The following UNC13B variants were observed in gnomAD, a reference collection of about 807,000 sequenced individuals.
The protein encoded by UNC13B is protein unc-13 homolog B.
In UNC13B, 144 loss-of-function variants were observed where a neutral mutation model predicts 211.0. That is an observed-to-expected ratio of 0.68 (90% CI 0.60 to 0.78). UNC13B has a LOEUF of 0.78. UNC13B is among the 30% of genes least tolerant of loss of function. The probability of loss-of-function intolerance (pLI) is 0.00; values close to 1 mark genes in which losing one functional copy is unlikely to be tolerated. For synonymous variants in UNC13B, 709 were observed against 725.8 expected, an observed-to-expected ratio of 0.98 and a Z score of 0.37; for missense variants, 1,777 against 2,002.0, an observed-to-expected ratio of 0.89 and a Z score of 2.14.
At chr9:35,386,453 G>A (rs1835199740) in intron 24 of UNC13B, among the ~76,000 whole-genome samples, 160 bp downstream of exon 24, 1 of 152,168 alleles carries the variant, frequency 6.6e-6, no homozygotes, top group Non-Finnish European at 1.5e-5. Flanking sequence ...TGTGAGATAT[G>A]TGGATGGAAA....
At chr9:35,380,087 T>C (rs2132247845) in intron 17 of UNC13B, among the ~76,000 whole-genome samples, 1 of 152,276 alleles carries the variant, frequency 6.6e-6, no homozygotes, top group East Asian at 1.9e-4. Flanking sequence ...ACTGACTTCA[T>C]GTCCTGGGCT....
chr9:35,314,618 G>A (rs1830351818), intron 11 of UNC13B, among the ~76,000 whole-genome samples: 1 of 152,068 alleles, frequency 6.6e-6, no homozygotes, highest in African/African-American at 2.4e-5. Context: ...TAGTGGTGAA[G>A]TCTGGGCTTT....
chr9:35,292,255 T>C (rs1829136157), intron 7 of UNC13B, among the ~76,000 whole-genome samples: 1 of 152,204 alleles, frequency 6.6e-6, no homozygotes, highest in Non-Finnish European at 1.5e-5. Context: ...GGATTTTGTT[T>C]GAGTGCCTGC....
Position 35,313,506 on chromosome 9 carries a change from TC to T in UNC13B, c.9324-390del, listed in dbSNP as rs1349010253. Among the ~76,000 whole-genome samples the T allele has an allele frequency of 3.3e-5, 5 of 152,002 alleles. No individual in the cohort carries two copies. In the East Asian group the frequency reaches 5.8e-4, roughly 18 times the overall value. ...TGGGTGTGGTGGCACGCACCTGTAG[TC>T]CCAGCTATTTGGAAGGCTGAGGTGG... On this transcript the variant is annotated intron_variant, in intron 10 of 39. Transcript: ENST00000635942.
intron 1 of UNC13B, among the ~76,000 whole-genome samples, chr9:35,193,102 C>G (rs1335341510): frequency 6.6e-6 from 1 of 152,178 alleles, no homozygotes. Context: ...TTTCCTTTGA[C>G]TTCCTAGACT....
rs1829960621 is a variant in UNC13B at position 35,307,059 on chromosome 9, A to C, written c.7655A>C (p.Glu2552Ala). The C allele has an allele frequency of 2.5e-6, 1 of 398,942 alleles. No homozygotes were observed. Among genetic ancestry groups the C allele is most frequent in the Admixed American group, 4.4e-5 (1 of 22,710 alleles). The allele number at this position is 398,942 out of a possible 1,614,324, so 24.7% of individuals were successfully genotyped here. ...GGATCAGTACCTCCAGAAAGGAGAG[A>C]AGCTGCCTTTACAGCACTAAGTTCA... is the stretch of plus-strand genomic sequence containing the variant. ...AVGSVPPERR[E>A]AAFTALSSES... The change falls in exon 9 of 40, where the codon GAA becomes GCA. Residue 2552 changes from glutamate (E) to alanine (A), a missense_variant. Transcript: ENST00000635942.
chr9:35,247,291 A>G (rs911485074), intron 6 of UNC13B, among the ~76,000 whole-genome samples: 1 of 152,224 alleles, frequency 6.6e-6, no homozygotes. Flanking sequence ...CAATCATGTC[A>G]TCTGCAAACA....
At chr9:35,297,561 T>TTTTTTGTTTTTTGTTTTTTTG (rs1554698741) in intron 8 of UNC13B, among the ~76,000 whole-genome samples, 14 of 128,232 alleles carry the variant, frequency 1.1e-4, no homozygotes, top group Admixed American at 4.7e-4. Flanking sequence ...TTTTTTTTTT[T>TTTTTTGTTTTTTGTTTTTTTG]TTTTTTGAGA....
intron 7 of UNC13B, among the ~76,000 whole-genome samples, chr9:35,263,547 A>G (rs1827399740): frequency 6.6e-6 from 1 of 152,028 alleles, no homozygotes; most frequent in Admixed American, 6.6e-5. Context: ...CCATAAGAGG[A>G]CTCATGCAGT....
rs779735260 is a variant in UNC13B, at chr9:35,236,448, G to A, written c.153-21G>A. 143 of 1,596,814 alleles carry A rather than the reference G, an allele frequency of 9.0e-5. 1 individual carries two copies. In the South Asian group the frequency reaches 1.4e-3, roughly 15 times the overall value. On this transcript the variant is annotated intron_variant, in intron 3 of 39. Transcript: ENST00000635942. ...TTCATATTGTCTAGCTTTCCTCAAA[G>A]GGCTTTCCTCTTTCCCTTAGTGAGA...
chr9:35,183,017 G>A (rs1328308973), intron 1 of UNC13B, among the ~76,000 whole-genome samples: 19 of 152,020 alleles, frequency 1.2e-4, no homozygotes, highest in South Asian at 2.1e-4. Context: ...TTCCCAGATG[G>A]GGCGGCCTGG....
chr9:35,187,420 A>G (rs1051454840), intron 1 of UNC13B, among the ~76,000 whole-genome samples: 7 of 152,254 alleles, frequency 4.6e-5, no homozygotes, highest in Non-Finnish European at 8.8e-5. Flanking sequence ...ATTAGTCTAA[A>G]ATGTAGTCAA....
rs1831300227 is a variant in UNC13B at position 35,330,381 on chromosome 9, A to T, written c.9414+16392A>T. ...CTGGAACCTTTGCTGCTAAGTGAGG[A>T]TCCATTGACACTGCTGTTTTTTTGG... On this transcript the variant is annotated intron_variant, in intron 11 of 39. Coordinates refer to ENST00000635942, the MANE Select transcript of UNC13B (RefSeq NM_001371189.2). Among the ~76,000 whole-genome samples the T allele has an allele frequency of 2.0e-5, 3 of 152,206 alleles. No homozygotes were observed. In the South Asian group the frequency reaches 6.2e-4, roughly 31 times the overall value.
At chr9:35,205,767 G>C (rs1010580371) in intron 1 of UNC13B, among the ~76,000 whole-genome samples, 7 of 152,016 alleles carry the variant, frequency 4.6e-5, no homozygotes, top group African/African-American at 1.7e-4. Context: ...CCATTATATG[G>C]GTATACTATA....
intron 8 of UNC13B, among the ~76,000 whole-genome samples, chr9:35,297,548 T>C (rs1352812140): frequency 8.7e-6 from 1 of 114,926 alleles, no homozygotes. Context: ...ATACTTTGTC[T>C]TTTTTTTTTT....
Position 35,382,374 on chromosome 9 carries a change from C to T in UNC13B, c.10673C>T (p.Ser3558Leu). 1 of 1,612,496 alleles carries T rather than the reference C, an allele frequency of 6.2e-7. No individual in the cohort carries two copies. The highest frequency in any genetic ancestry group is 8.5e-7 in the Non-Finnish European group (1 of 1,179,566). The change falls in exon 21 of 40, where the codon TCA becomes TTA. Residue 3558 changes from serine (S) to leucine (L), a missense_variant. By Grantham distance (145) the Ser-to-Leu change is moderately radical (BLOSUM62 -2). Coordinates refer to ENST00000635942, the MANE Select transcript of UNC13B (RefSeq NM_001371189.2). ...YQAMTHFACL[S>L]SKYMCPGVPA... Reference sequence around the variant, plus strand: ...TTTTTCAGGCACTTTGCATGTTTATCATCCAAGTACATGTGTCCTGGTGTG... The same window carrying T: ...TTTTTCAGGCACTTTGCATGTTTATTATCCAAGTACATGTGTCCTGGTGTG...
intron 7 of UNC13B, among the ~76,000 whole-genome samples, chr9:35,267,579 T>C (rs1404654471): frequency 2.0e-5 from 3 of 152,222 alleles, no homozygotes; most frequent in South Asian, 2.1e-4. Context: ...GAAGGATGAA[T>C]ATGTCTTCTA....
intron 1 of UNC13B, among the ~76,000 whole-genome samples, chr9:35,199,170 A>T (rs1486898633): frequency 6.6e-6 from 1 of 151,758 alleles, no homozygotes; most frequent in African/African-American, 2.4e-5. Context: ...AAGGACATGA[A>T]CTCATCCTTT....
intron 1 of UNC13B, 45 bp downstream of exon 1, chr9:35,162,350 G>A (rs182867268): frequency 1.4e-5 from 21 of 1,517,230 alleles, no homozygotes; most frequent in Non-Finnish European, 1.7e-5. Context: ...TCGGCGTAGA[G>A]GTCCCCGCAC....
Sources: gnomAD v4.1 joint callset for allele counts (sites outside exome capture counted in the v4.1 genomes callset) on GRCh38, gnomAD v4.1.1 for gene constraint, MANE v1.5 for transcripts, NCBI Gene and HGNC (gene_info 2026-07-23, HGNC 2026-07-21) for gene names.